RTN3: variants seen among roughly 807,000 people sequenced by gnomAD.
RTN3 encodes the protein reticulon-3.
RTN3 carries 49 observed loss-of-function variants against 77.8 expected under a neutral mutation model. That is an observed-to-expected ratio of 0.63 (90% CI 0.50 to 0.80). RTN3 has a LOEUF of 0.80. RTN3 is among the 30% of genes least tolerant of loss of function. RTN3 has a pLI of 0.00. For synonymous variants in RTN3, 464 were observed against 446.9 expected (o/e 1.04, Z -0.48); for missense variants, 1,236 against 1,211.9 (o/e 1.02, Z -0.29).
rs2011710033 is a variant in RTN3 at position 63,720,665 on chromosome 11, G to A, written c.2163G>A (p.Glu721=). 5.6e-6 allele frequency: 9 copies of A among 1,613,974 alleles called. No homozygotes were observed. Among genetic ancestry groups the A allele is most frequent in the South Asian group, 2.2e-5 (2 of 91,076 alleles). ...SEQSKETNGS[E]PLGVFPTQGT... ...AAAGCAAAGAAACAAATGGAAGTGA[G>A]CCTCTAGGTGTTTTCCCTACCCAAG... Residue 721 remains glutamate (E), a synonymous_variant, in exon 3 of 9, where the codon GAG becomes GAA. Transcript: ENST00000377819.
chr11:63,744,240 CAAAAA>C (rs71468642), intron 3 of RTN3, among the ~76,000 whole-genome samples: 1 of 63,622 alleles, frequency 1.6e-5, no homozygotes, highest in Non-Finnish European at 2.5e-5. Context: ...GACTCTGTCT[CAAAAA>C]AAAAAAAAAA....
chr11:63,720,484 C>T lies in RTN3; in HGVS notation c.1982C>T (p.Thr661Ile). 1 of 1,613,016 alleles carries T rather than the reference C, an allele frequency of 6.2e-7. No individual in the cohort carries two copies. The highest frequency in any genetic ancestry group is 8.5e-7 in the Non-Finnish European group (1 of 1,179,694). Residue 661 changes from threonine (T) to isoleucine (I), a missense_variant, in exon 3 of 9, where the codon ACC becomes ATC. This residue lies in a region of RTN3 where 1,056 missense variants were observed against 990.4 expected (regional missense o/e 1.07). Coordinates refer to ENST00000377819, the MANE Select transcript of RTN3 (RefSeq NM_001265589.2). ...GACCTGATAGCAGCCTTTACAGAAA[C>T]CAGAGATAAAGGAATAGTAGATAGT... ...PEDLIAAFTE[T>I]RDKGIVDSER...
Position 63,681,715 on chromosome 11 carries a change from G to A in RTN3, c.79G>A (p.Gly27Ser), listed in dbSNP as rs747445048. 6.2e-6 allele frequency: 10 copies of A among 1,610,000 alleles called. No individual in the cohort carries two copies. The highest frequency in any genetic ancestry group is 7.6e-6 in the Non-Finnish European group (9 of 1,178,548). Residue 27 changes from glycine to serine, a missense_variant, in exon 1 of 9, where the codon GGC becomes AGC. Gly to Ser is a moderately conservative substitution (Grantham distance 56). Around this residue, in one of 3 missense-constraint regions of RTN3, gnomAD observed 1,056 missense variants for 990.4 expected, o/e 1.07. Transcript: ENST00000377819. ...CGGAGCCGAGCCGTCCGCGCCCGGC[G>A]GCGGCGGGAGCCCAGGAGCCTGCCC... Reference protein sequence around the residue: ...SFGAEPSAPGGGGSPGACPAL... With the variant: ...SFGAEPSAPGSGGSPGACPAL...
rs767131090 is a variant in RTN3 at position 63,718,774 on chromosome 11, A to G, written c.272A>G (p.Glu91Gly). 6.2e-7 allele frequency: 1 copy of G among 1,609,006 alleles called. No homozygotes were observed. Among genetic ancestry groups the G allele is most frequent in the Non-Finnish European group, 8.5e-7 (1 of 1,178,892 alleles). The change falls in exon 3 of 9, where the codon GAA (glutamate) becomes GGA (glycine). Residue 91 changes from glutamate (E) to glycine (G), a missense_variant. By Grantham distance (98) the Glu-to-Gly change is moderately conservative. This residue lies in a region of RTN3 where 1,056 missense variants were observed against 990.4 expected (regional missense o/e 1.07). Transcript: ENST00000377819. ...ACTTCTTCCTTTCTTTCATCTTCTGAAATACATAACACTGGCCTTACAATA... is the reference window on the plus strand; with the variant it reads ...ACTTCTTCCTTTCTTTCATCTTCTGGAATACATAACACTGGCCTTACAATA... ...IMTSSFLSSS[E>G]IHNTGLTILH...
At chr11:63,717,109 G>A (rs1442572578) in intron 2 of RTN3, among the ~76,000 whole-genome samples, 2 of 152,052 alleles carry the variant, frequency 1.3e-5, no homozygotes, top group East Asian at 3.9e-4. Flanking sequence ...GCTGCAGTGA[G>A]CCACAATTGT....
At chr11:63,727,914 C>T (rs116249273) in intron 3 of RTN3, among the ~76,000 whole-genome samples, 1,663 of 152,210 alleles carry the variant, frequency 0.011, 25 homozygotes, top group African/African-American at 0.037. Flanking sequence ...TGATGAAAGA[C>T]GCTCATCAAA....
In RTN3 at chr11:63,758,144, TTTTCTCA is replaced by T; in HGVS notation, c.3054-11_3054-5del. 1.3e-6 allele frequency: 2 copies of T among 1,559,700 alleles called. No homozygotes were observed. Among genetic ancestry groups the T allele is most frequent in the Non-Finnish European group, 1.7e-6 (2 of 1,149,028 alleles). On this transcript the variant is annotated splice_region_variant and splice_polypyrimidine_tract_variant and intron_variant, in intron 8 of 8. Coordinates refer to ENST00000377819, the MANE Select transcript of RTN3 (RefSeq NM_001265589.2). ...TTCACTTTCTTTCTTTTTCCCCTCC[TTTTCTCA>T]ATAGGATCCAAGCAAAACTCCCTGG...
rs760813400 is a variant in RTN3 at position 63,758,806 on chromosome 11, T to TA, written c.*611dup. 1.9e-5 allele frequency: 3 copies of TA among 155,088 alleles called. No homozygotes were observed. The highest frequency in any genetic ancestry group is 4.3e-5 in the Non-Finnish European group (3 of 69,898). 9.6% of individuals were successfully genotyped at this position (155,088 alleles called of 1,614,324 possible). A position where few individuals can be genotyped will look rare whatever the true frequency, so the allele number is the denominator to read the frequency against. On this transcript the variant is annotated 3_prime_UTR_variant, in exon 9 of 9. Coordinates refer to ENST00000377819, the MANE Select transcript of RTN3 (RefSeq NM_001265589.2). ...TCCTGATTCCAAGAATGCCATCTGA[T>TA]AAAAAAGAATAGAAATGGAAAGTGG...
Position 63,719,434 on chromosome 11 carries a change from T to G in RTN3, c.932T>G (p.Leu311Arg), listed in dbSNP as rs1590832720. The change falls in exon 3 of 9, where the codon CTC (leucine) becomes CGC (arginine). Residue 311 changes from leucine (L) to arginine (R), a missense_variant. Leu to Arg is a moderately radical substitution (Grantham distance 102). Around this residue, in one of 3 missense-constraint regions of RTN3, gnomAD observed 1,056 missense variants for 990.4 expected, o/e 1.07. Transcript: ENST00000377819. Reference protein sequence around the residue: ...EAGRYPMSALLSRQFSHTNAA... With the variant: ...EAGRYPMSALRSRQFSHTNAA... The stretch of plus-strand genomic sequence containing the variant: ...GGACGTTACCCAATGTCTGCATTGC[T>G]CAGTAGGCAGTTTTCACACACAAAT... 3 of 1,614,088 alleles carry G rather than the reference T, an allele frequency of 1.9e-6. No homozygotes were observed. Among genetic ancestry groups the G allele is most frequent in the Non-Finnish European group, 1.7e-6 (2 of 1,180,008 alleles).
intron 1 of RTN3, among the ~76,000 whole-genome samples, chr11:63,697,471 T>TTATTATTAG (rs1218835620): frequency 6.8e-6 from 1 of 146,528 alleles, no homozygotes; most frequent in Non-Finnish European, 1.5e-5. Flanking sequence ...ACCCAGCTCA[T>TTATTATTAG]TATTATTATT....
chr11:63,744,240 C>CAAAAAA (rs71468642), intron 3 of RTN3, among the ~76,000 whole-genome samples: 1 of 63,620 alleles, frequency 1.6e-5, no homozygotes, highest in African/African-American at 7.8e-5. Flanking sequence ...GACTCTGTCT[C>CAAAAAA]AAAAAAAAAA....
At chr11:63,747,189 T>C (rs2013847297) in intron 3 of RTN3, among the ~76,000 whole-genome samples, 1 of 152,238 alleles carries the variant, frequency 6.6e-6, no homozygotes, top group Non-Finnish European at 1.5e-5. Context: ...TGTGTCTTTC[T>C]CAGTGCATGC....
In RTN3 at chr11:63,758,764, T is replaced by C. The variant is rs8343; in HGVS notation, c.*563T>C. The C allele has an allele frequency of 9.3e-3, 1,548 of 166,044 alleles. 37 individuals carry two copies. The highest frequency in any genetic ancestry group is 9.1e-3 in the Non-Finnish European group (706 of 77,302). 10.3% of individuals were successfully genotyped at this position (166,044 alleles called of 1,614,324 possible). ...AACTATCAACTTGATAAATAACTTA[T>C]AGGTGATAGTGATAATTCCTGATTC... On this transcript the variant is annotated 3_prime_UTR_variant, in exon 9 of 9. Transcript: ENST00000377819.
Position 63,753,052 on chromosome 11 carries a change from T to C in RTN3, c.2878-17T>C, listed in dbSNP as rs754186548. On this transcript the variant is annotated splice_polypyrimidine_tract_variant and intron_variant, in intron 5 of 8. Transcript: ENST00000377819. ...CTTACGGTTATTCCTGCTTAACTTT[T>C]GATATGGCCTTCACAGCTGGCTGTC... 1 of 1,612,860 alleles carries C rather than the reference T, an allele frequency of 6.2e-7. No individual in the cohort carries two copies. The highest frequency in any genetic ancestry group is 1.1e-5 in the South Asian group (1 of 90,842).
chr11:63,712,003 T>C (rs1334868788), intron 2 of RTN3, among the ~76,000 whole-genome samples: 1 of 152,254 alleles, frequency 6.6e-6, no homozygotes, highest in African/African-American at 2.4e-5. Flanking sequence ...GGCTGGGCTC[T>C]CAAGCATCTT....
At chr11:63,689,478 G>C (rs1208455270) in intron 1 of RTN3, among the ~76,000 whole-genome samples, 1 of 152,136 alleles carries the variant, frequency 6.6e-6, no homozygotes, top group Non-Finnish European at 1.5e-5. Context: ...TGTGAGTTTT[G>C]TAAGACATGT....
intron 3 of RTN3, among the ~76,000 whole-genome samples, chr11:63,722,405 A>C (rs887220667): frequency 4.6e-5 from 7 of 152,210 alleles, no homozygotes; most frequent in African/African-American, 1.7e-4. Flanking sequence ...AATATTTAAA[A>C]TAGATAAATT....
upstream of RTN3, chr11:63,681,495 C>T (rs1342654541): frequency 4.7e-6 from 4 of 846,704 alleles, no homozygotes; most frequent in East Asian, 3.2e-5. Context: ...TCGGCTGAGT[C>T]AGTCAGTCTG....
At chr11:63,696,877 CT>C (rs1227012397) in intron 1 of RTN3, among the ~76,000 whole-genome samples, 1 of 52,208 alleles carries the variant, frequency 1.9e-5, no homozygotes, top group Non-Finnish European at 3.6e-5. Context: ...TTCTTTCTTT[CT>C]TTCTTTTTTT....
Sources: gnomAD v4.1 joint callset for allele counts (sites outside exome capture counted in the v4.1 genomes callset) on GRCh38, gnomAD v4.1.1 for gene constraint, gnomAD v4.1.1 regional missense constraint, MANE v1.5 for transcripts, NCBI Gene and HGNC (gene_info 2026-07-23, HGNC 2026-07-21) for gene names.